Variants in OSBPL3 observed in about 807,000 individuals in gnomAD.
The protein encoded by OSBPL3 is oxysterol binding protein like 3.
Under a neutral mutation model 120.1 loss-of-function variants are expected in OSBPL3, and 65 were observed. The ratio of observed to expected loss-of-function variants is 0.54; its 90% CI spans 0.44 to 0.67. OSBPL3 has a LOEUF of 0.67. Among genes scored for constraint, OSBPL3 ranks in the 30% least tolerant of loss-of-function variants. The pLI, the probability that OSBPL3 is intolerant of heterozygous loss-of-function variation, is 0.00. For missense variants in OSBPL3, 1,004 were observed against 1,082.1 expected (o/e 0.93, Z 1.01); for synonymous variants, 416 against 402.6 (o/e 1.03, Z -0.40).
At chr7:24,814,597 C>T (rs1431027135) in intron 19 of OSBPL3, among the ~76,000 whole-genome samples, 3 of 152,118 alleles carry the variant, frequency 2.0e-5, no homozygotes, top group African/African-American at 7.2e-5. Flanking sequence ...AGAACTTTTT[C>T]ATCTTCCCAA....
chr7:24,970,149 C>T (rs577291764), intron 1 of OSBPL3, among the ~76,000 whole-genome samples: 4 of 118,986 alleles, frequency 3.4e-5, no homozygotes, highest in Non-Finnish European at 6.4e-5. Context: ...TCGCTCTTGT[C>T]GTCTAGGGAG....
At chr7:24,970,649 T>A (rs372080635) in intron 1 of OSBPL3, among the ~76,000 whole-genome samples, 17 of 152,138 alleles carry the variant, frequency 1.1e-4, no homozygotes, top group African/African-American at 3.4e-4. Context: ...CGAACTGAAG[T>A]GAATATTCTT....
rs1794563998 is a variant in OSBPL3, at chr7:24,817,049, G to A, written c.1949-361C>T. On this transcript the variant is annotated intron_variant, in intron 17 of 22. Coordinates refer to ENST00000313367, the MANE Select transcript of OSBPL3 (RefSeq NM_015550.4). This position sits in a 1 kb window ranked among gnomAD's most constrained non-coding sequence, Gnocchi z 4.0. ...AGCATCAGAAGAGGCTTGTCAGAAAGGGCCATCTAAATGGGGCTTTGAGGA... is the reference window on the plus strand; with the variant it reads ...AGCATCAGAAGAGGCTTGTCAGAAAAGGCCATCTAAATGGGGCTTTGAGGA... Among the ~76,000 whole-genome samples the A allele has an allele frequency of 6.6e-6, 1 of 152,156 alleles. No individual in the cohort carries two copies. The highest frequency in any genetic ancestry group is 6.5e-5 in the Admixed American group (1 of 15,282).
chr7:24,857,991 A>C (rs1800041627), intron 10 of OSBPL3, among the ~76,000 whole-genome samples: 1 of 152,256 alleles, frequency 6.6e-6, no homozygotes, highest in Non-Finnish European at 1.5e-5. Flanking sequence ...TAATATATGC[A>C]ACAAAAATTA....
At chr7:24,941,801 C>T (rs946455565) in intron 1 of OSBPL3, among the ~76,000 whole-genome samples, 1 of 152,174 alleles carries the variant, frequency 6.6e-6, no homozygotes, top group African/African-American at 2.4e-5. Flanking sequence ...AACTTGTGAA[C>T]AAATGATGTA....
In OSBPL3 at chr7:24,933,711, G is replaced by T. The variant is rs1812061497; in HGVS notation, c.-149-41090C>A. Among the ~76,000 whole-genome samples, 1 of 152,132 alleles carries T rather than the reference G, an allele frequency of 6.6e-6. No homozygotes were observed. Among genetic ancestry groups the T allele is most frequent in the Admixed American group, 6.5e-5 (1 of 15,274 alleles). ...TAAACTCCAGTTGAGGCAAGTATTT[G>T]CCTATGCTCTCAGTTCTGATCATAA... On this transcript the variant is annotated intron_variant, in intron 1 of 22. Coordinates refer to ENST00000313367, the MANE Select transcript of OSBPL3 (RefSeq NM_015550.4). This position sits in a 1 kb window ranked among gnomAD's most constrained non-coding sequence, Gnocchi z 5.1.
rs2522237 is a variant in OSBPL3, at chr7:24,972,423, A to T, written c.-150+7463T>A. Among the ~76,000 whole-genome samples the T allele has an allele frequency of 1.2e-4, 18 of 151,996 alleles. No homozygotes were observed. Among genetic ancestry groups the T allele is most frequent in the Non-Finnish European group, 2.9e-5 (2 of 67,994 alleles). ...TGGAACCTTTCTCTCCAGGGTCCCA[A>T]TTAAAAGCCAGACTCATTCCCTTTG... On this transcript the variant is annotated intron_variant, in intron 1 of 22. Coordinates refer to ENST00000313367, the MANE Select transcript of OSBPL3 (RefSeq NM_015550.4). This position sits in a 1 kb window ranked among gnomAD's most constrained non-coding sequence, Gnocchi z 4.3.
At chr7:24,816,420 T>A (rs75463345) in intron 18 of OSBPL3, among the ~76,000 whole-genome samples, 190 bp downstream of exon 18, 1 of 152,092 alleles carries the variant, frequency 6.6e-6, no homozygotes, top group Non-Finnish European at 1.5e-5. Context: ...GCATTTCCAT[T>A]TGAGGGAGAA....
In OSBPL3 at chr7:24,863,619, A is replaced by G. The variant is rs1235049323; in HGVS notation, c.674-20T>C. The stretch of plus-strand genomic sequence containing the variant: ...CCAGGTCTGTGGGGGAAAAGAGGAC[A>G]GTGCTCACAATGCTCCACTAGCAAG... On this transcript the variant is annotated intron_variant, in intron 7 of 22. Coordinates refer to ENST00000313367, the MANE Select transcript of OSBPL3 (RefSeq NM_015550.4). This position sits in a 1 kb window ranked among gnomAD's most constrained non-coding sequence, Gnocchi z 5.8. 3 of 1,493,224 alleles carry G rather than the reference A, an allele frequency of 2.0e-6. No individual in the cohort carries two copies. In the African/African-American group the frequency reaches 4.1e-5, roughly 21 times the overall value. The allele number at this position is 1,493,224 out of a possible 1,614,324, so 92.5% of individuals were successfully genotyped here.
At chr7:24,945,797 C>T (rs1031508446) in intron 1 of OSBPL3, among the ~76,000 whole-genome samples, 2 of 152,230 alleles carry the variant, frequency 1.3e-5, no homozygotes, top group African/African-American at 4.8e-5. Flanking sequence ...TGTTAAGGCT[C>T]TGTTCAAAGA....
intron 2 of OSBPL3, among the ~76,000 whole-genome samples, chr7:24,889,074 T>C (rs1259081377): frequency 1.3e-5 from 2 of 152,156 alleles, no homozygotes; most frequent in Non-Finnish European, 2.9e-5. Flanking sequence ...TATAAACATG[T>C]AGGGCTCCTT....
At position 24,972,648 on chromosome 7, in the gene OSBPL3, A is replaced by G. The variant is rs796675870; in HGVS notation, c.-150+7238T>C. 2.0e-5 allele frequency among the ~76,000 whole-genome samples: 3 copies of G among 152,356 alleles called. No homozygotes were observed. Among genetic ancestry groups the G allele is most frequent in the South Asian group, 4.1e-4 (2 of 4,826 alleles). ...AACGTATGAGCAAAAATCTTAGCGCATGCTTTAATTCTAGGGAGGCATCTA... is the reference window on the plus strand; with the variant it reads ...AACGTATGAGCAAAAATCTTAGCGCGTGCTTTAATTCTAGGGAGGCATCTA... On this transcript the variant is annotated intron_variant, in intron 1 of 22. Coordinates refer to ENST00000313367, the MANE Select transcript of OSBPL3 (RefSeq NM_015550.4). The surrounding 1 kb of genome is among the most constrained non-coding windows in gnomAD (Gnocchi z 4.3).
chr7:24,872,060 C>G lies in OSBPL3; in HGVS notation c.106G>C (p.Glu36Gln). The change falls in exon 3 of 23, where the codon GAA becomes CAA. Residue 36 changes from glutamate (E) to glutamine (Q), a missense_variant. Glu to Gln is a conservative substitution (Grantham distance 29). This residue lies in a region of OSBPL3 where 255 missense variants were observed against 248.7 expected (regional missense o/e 1.03). Transcript: ENST00000313367. This position sits in a 1 kb window ranked among gnomAD's most constrained non-coding sequence, Gnocchi z 4.1. ...SKQGSRQDSW[E>Q]VVEGLRGEMN... ...TCCCCCCTCAGTCCTTCCACCACTTCCCAGCTGTCCTGTTCCAACAAAAGA... is the reference window on the plus strand; with the variant it reads ...TCCCCCCTCAGTCCTTCCACCACTTGCCAGCTGTCCTGTTCCAACAAAAGA... 1 of 1,605,182 alleles carries G rather than the reference C, an allele frequency of 6.2e-7. No homozygotes were observed. The highest frequency in any genetic ancestry group is 8.5e-7 in the Non-Finnish European group (1 of 1,171,880).
At position 24,863,620 on chromosome 7, in the gene OSBPL3, G is replaced by C. The variant is rs773780664; in HGVS notation, c.674-21C>G. The C allele has an allele frequency of 6.7e-7, 1 of 1,493,202 alleles. No homozygotes were observed. The highest frequency in any genetic ancestry group is 1.7e-5 in the Admixed American group (1 of 59,864). The allele number at this position is 1,493,202 out of a possible 1,614,324, so 92.5% of individuals were successfully genotyped here. A position where few individuals can be genotyped will look rare whatever the true frequency, so the allele number is the denominator to read the frequency against. On this transcript the variant is annotated intron_variant, in intron 7 of 22. Coordinates refer to ENST00000313367, the MANE Select transcript of OSBPL3 (RefSeq NM_015550.4). This position sits in a 1 kb window ranked among gnomAD's most constrained non-coding sequence, Gnocchi z 5.8. ...CAGGTCTGTGGGGGAAAAGAGGACA[G>C]TGCTCACAATGCTCCACTAGCAAGA...
At position 24,963,546 on chromosome 7, in the gene OSBPL3, C is replaced by T. The variant is rs1356743522; in HGVS notation, c.-150+16340G>A. On this transcript the variant is annotated intron_variant, in intron 1 of 22. Transcript: ENST00000313367. ...AGACAGTAGCACATCTGGCTGAGTG[C>T]GCATCTGACTGCCTATGCACAAGGA... 2.0e-5 allele frequency among the ~76,000 whole-genome samples: 3 copies of T among 152,126 alleles called. No individual in the cohort carries two copies. The South Asian group carries it at 6.2e-4, about 32-fold the overall frequency.
In OSBPL3 at chr7:24,958,804, T is replaced by A. The variant is rs192199937; in HGVS notation, c.-150+21082A>T. On this transcript the variant is annotated intron_variant, in intron 1 of 22. Transcript: ENST00000313367. ...ATGTGGTTTTCAACTTCCAAACCAATATTGTAAATCTAGTGATGGGGATAA... is the reference window on the plus strand; with the variant it reads ...ATGTGGTTTTCAACTTCCAAACCAAAATTGTAAATCTAGTGATGGGGATAA... Among the ~76,000 whole-genome samples the A allele has an allele frequency of 2.4e-3, 365 of 152,342 alleles. 1 individual carries two copies. Among genetic ancestry groups the A allele is most frequent in the African/African-American group, 8.3e-3 (347 of 41,578 alleles).
At chr7:24,904,951 G>GTGTGTGTGTGTGTGTT (rs1394350475) in intron 1 of OSBPL3, among the ~76,000 whole-genome samples, 4 of 151,074 alleles carry the variant, frequency 2.6e-5, no homozygotes, top group African/African-American at 9.8e-5. Flanking sequence ...GTGTGTGTGT[G>GTGTGTGTGTGTGTGTT]TGTGTGTGTG....
intron 1 of OSBPL3, among the ~76,000 whole-genome samples, chr7:24,951,150 G>A (rs1257110455): frequency 6.6e-6 from 1 of 152,088 alleles, no homozygotes; most frequent in Non-Finnish European, 1.5e-5. Context: ...ATGGAAAGTA[G>A]GAGAAAAGAA....
intron 16 of OSBPL3, among the ~76,000 whole-genome samples, chr7:24,825,279 G>A (rs949111234): frequency 6.6e-6 from 1 of 152,162 alleles, no homozygotes; most frequent in African/African-American, 2.4e-5. Flanking sequence ...AGTGAAAATG[G>A]CTGGCTGTAG....
Sources: gnomAD v4.1 joint callset for allele counts (sites outside exome capture counted in the v4.1 genomes callset) on GRCh38, gnomAD v4.1.1 for gene constraint, gnomAD v4.1.1 regional missense constraint, Gnocchi (gnomAD v3.1) non-coding constraint, MANE v1.5 for transcripts, NCBI Gene and HGNC (gene_info 2026-07-23, HGNC 2026-07-21) for gene names.